The following TMEM40 variants were observed in gnomAD, a reference collection of about 807,000 sequenced individuals.
TMEM40 encodes transmembrane protein 40.
TMEM40 carries 34 observed loss-of-function variants against 40.8 expected under a neutral mutation model. The ratio of observed to expected loss-of-function variants is 0.83; its 90% CI spans 0.63 to 1.11. The LOEUF is 1.11. Among genes scored for constraint, TMEM40 ranks in the 50% least tolerant of loss-of-function variants. The pLI is 0.00. For missense variants in TMEM40, 296 were observed against 280.2 expected (o/e 1.06, Z -0.40); for synonymous variants, 106 against 107.0 (o/e 0.99, Z 0.06).
rs112089746 is a variant in TMEM40, at chr3:12,745,801, A to G, written c.212-1812T>C. On this transcript the variant is annotated intron_variant, in intron 3 of 11. Transcript: ENST00000314124. Reference sequence around the variant, plus strand: ...TATGGAATATATGCTGTTTAAAATGAAGACTATTTTTGTATATGCTCTCTG... The same window carrying G: ...TATGGAATATATGCTGTTTAAAATGGAGACTATTTTTGTATATGCTCTCTG... 1.9e-4 allele frequency among the ~76,000 whole-genome samples: 29 copies of G among 152,190 alleles called. 1 individual carries two copies. Among genetic ancestry groups the G allele is most frequent in the African/African-American group, 7.0e-4 (29 of 41,528 alleles).
intron 11 of TMEM40, 124 bp from the exon 12 acceptor site, chr3:12,734,917 G>T: frequency 9.2e-7 from 1 of 1,089,892 alleles, no homozygotes; most frequent in Non-Finnish European, 1.3e-6. Context: ...CAGAAGCCAT[G>T]GGTCTCAATG....
chr3:12,765,391 T>C (rs1313157118), intron 1 of TMEM40, among the ~76,000 whole-genome samples: 1 of 152,038 alleles, frequency 6.6e-6, no homozygotes, highest in African/African-American at 2.4e-5. Flanking sequence ...ACCTTGGCCT[T>C]GCAGGCAGCC....
At chr3:12,742,552 G>C in intron 4 of TMEM40, 45 bp from the exon 5 acceptor site, 1 of 1,600,096 alleles carries the variant, frequency 6.2e-7, no homozygotes, top group South Asian at 1.1e-5. Flanking sequence ...CAAACACAGT[G>C]ATCCAGGCCA....
At chr3:12,740,290 A>G (rs941551755) in intron 5 of TMEM40, among the ~76,000 whole-genome samples, 1 of 150,344 alleles carries the variant, frequency 6.7e-6, no homozygotes, top group African/African-American at 2.4e-5. Flanking sequence ...GGGTTTTGCC[A>G]CGTTGGCCAG....
chr3:12,751,278 C>T (rs1559531147), intron 1 of TMEM40, among the ~76,000 whole-genome samples: 1 of 124,278 alleles, frequency 8.0e-6, no homozygotes, highest in Non-Finnish European at 1.6e-5. Flanking sequence ...CTCCATTACC[C>T]GTTTTTTTTT....
rs1471674429 is a variant in TMEM40, at chr3:12,749,752, A to T, written c.73+8T>A. 1 of 1,613,154 alleles carries T rather than the reference A, an allele frequency of 6.2e-7. No individual in the cohort carries two copies. The highest frequency in any genetic ancestry group is 1.3e-5 in the African/African-American group (1 of 74,976). Reference sequence around the variant, plus strand: ...TTTTGCCCAGAGGGTCAGAGAAGGCAAACGTACAGTCTACATCTTCTGTTT... The same window carrying T: ...TTTTGCCCAGAGGGTCAGAGAAGGCTAACGTACAGTCTACATCTTCTGTTT... On this transcript the variant is annotated splice_region_variant and intron_variant, in intron 2 of 11. Transcript: ENST00000314124.
At chr3:12,765,621 G>A (rs952440539) in intron 1 of TMEM40, among the ~76,000 whole-genome samples, 15 of 148,568 alleles carry the variant, frequency 1.0e-4, no homozygotes, top group Non-Finnish European at 1.9e-4. Context: ...AGGCTGGAGT[G>A]CAGTGGCGTG....
intron 1 of TMEM40, among the ~76,000 whole-genome samples, chr3:12,758,485 A>G (rs1035274546): frequency 8.6e-5 from 13 of 151,134 alleles, no homozygotes; most frequent in Non-Finnish European, 1.3e-4. Flanking sequence ...ATGACAGCCT[A>G]CGGGGGTGGG....
intron 7 of TMEM40, 159 bp from the exon 8 acceptor site, chr3:12,737,913 G>C: frequency 2.2e-6 from 2 of 913,210 alleles, no homozygotes; most frequent in Non-Finnish European, 3.5e-6. Flanking sequence ...TGGGGGTACT[G>C]TCCTTGGAAC....
intron 1 of TMEM40, among the ~76,000 whole-genome samples, chr3:12,753,814 C>T (rs1252100990): frequency 6.6e-6 from 1 of 152,190 alleles, no homozygotes; most frequent in Non-Finnish European, 1.5e-5. Context: ...ACCCACGGGT[C>T]CTGCTAAACT....
At position 12,734,677 on chromosome 3, in the gene TMEM40, T is replaced by C. The variant is rs1328805489; in HGVS notation, c.*97A>G. 9 of 1,408,702 alleles carry C rather than the reference T, an allele frequency of 6.4e-6. No individual in the cohort carries two copies. The African/African-American group carries it at 8.5e-5, about 13-fold the overall frequency. 87.3% of individuals were successfully genotyped at this position (1,408,702 alleles called of 1,614,324 possible). On this transcript the variant is annotated 3_prime_UTR_variant, in exon 12 of 12. Transcript: ENST00000314124. ...TGTTTATTGGTCTGGCTTGGTCTCC[T>C]GTGCGTCTCTCAGAATGCTGCTCTG...
intron 7 of TMEM40, 137 bp from the exon 8 acceptor site, chr3:12,737,891 A>T (rs2061349455): frequency 1.0e-6 from 1 of 991,826 alleles, no homozygotes; most frequent in Non-Finnish European, 1.6e-6. Flanking sequence ...AGGACCAGTC[A>T]AACTGTGAAG....
intron 8 of TMEM40, among the ~76,000 whole-genome samples, chr3:12,737,316 TC>T (rs778570205): frequency 5.3e-5 from 8 of 151,952 alleles, no homozygotes; most frequent in Non-Finnish European, 1.2e-4. Context: ...TTTTCACTGC[TC>T]CTTTCCGATT....
rs1491344293 is a variant in TMEM40, at chr3:12,768,922, GCC to G, written c.-9+327_-9+328del. On this transcript the variant is annotated intron_variant, in intron 1 of 11. Transcript: ENST00000264728. ...CGGGGCAGGGCGGGCCGGGGCCGGG[GCC>G]GGGGCGGGGCGGGGGGGGCGGGGGG... Among the ~76,000 whole-genome samples the G allele has an allele frequency of 6.7e-5, 8 of 120,218 alleles. 2 individuals are homozygous for G. Among genetic ancestry groups the G allele is most frequent in the Admixed American group, 7.9e-5 (1 of 12,724 alleles). 78.9% of individuals were successfully genotyped at this position (120,218 alleles called of 152,430 possible).
At chr3:12,748,584 G>C in intron 3 of TMEM40, 71 bp downstream of exon 3, 1 of 1,553,864 alleles carries the variant, frequency 6.4e-7, no homozygotes, top group South Asian at 1.2e-5. Flanking sequence ...ATGACTTCAA[G>C]TATGGGGGAT....
chr3:12,749,821 T>C lies in TMEM40; in HGVS notation c.12A>G (p.Ser4=). ...TGTCCTGAGGCTGGGAGGAGGATGC[T>C]GAAGTCTCCATGGCTTTTCCTGGAG... MET[S]ASSSQPQDNS... The change falls in exon 2 of 12, where the codon TCA becomes TCG. Residue 4 remains serine, a synonymous_variant. Transcript: ENST00000314124. 6.2e-7 allele frequency: 1 copy of C among 1,614,108 alleles called. No individual in the cohort carries two copies.
intron 1 of TMEM40, among the ~76,000 whole-genome samples, chr3:12,767,945 A>G (rs1423742882): frequency 6.6e-6 from 1 of 152,190 alleles, no homozygotes; most frequent in African/African-American, 2.4e-5. Flanking sequence ...CAAGAGCAGA[A>G]TGGAACACTA....
At chr3:12,767,399 C>T (rs1316794993) in intron 1 of TMEM40, among the ~76,000 whole-genome samples, 1 of 152,102 alleles carries the variant, frequency 6.6e-6, no homozygotes, top group Admixed American at 6.6e-5. Context: ...TCCTCTTTCC[C>T]AGGCGACTGT....
chr3:12,757,620 G>A (rs1356214792), intron 1 of TMEM40, among the ~76,000 whole-genome samples: 3 of 152,130 alleles, frequency 2.0e-5, no homozygotes, highest in Admixed American at 6.6e-5. Flanking sequence ...CGAAGAAACT[G>A]GAGCCCTCAT....
Sources: gnomAD v4.1 joint callset for allele counts (sites outside exome capture counted in the v4.1 genomes callset) on GRCh38, gnomAD v4.1.1 for gene constraint, MANE v1.5 for transcripts, NCBI Gene and HGNC (gene_info 2026-07-23, HGNC 2026-07-21) for gene names.